Variants in PPIP5K2 observed in about 807,000 individuals in gnomAD.
The protein encoded by PPIP5K2 is inositol hexakisphosphate and diphosphoinositol-pentakisphosphate kinase 2.
In PPIP5K2, 105 loss-of-function variants were observed where a neutral mutation model predicts 154.6. That is an observed-to-expected ratio of 0.68 (90% CI 0.58 to 0.80). The LOEUF is 0.80. Among genes scored for constraint, PPIP5K2 ranks in the 30% least tolerant of loss-of-function variants. The pLI is 0.00. For synonymous variants in PPIP5K2, 480 were observed against 490.3 expected (o/e 0.98, Z 0.28); for missense variants, 992 against 1,504.6 (o/e 0.66, Z 5.64).
intron 4 of PPIP5K2, 117 bp from the exon 5 acceptor site, chr5:103,138,267 A>C (rs1202566246): frequency 2.2e-6 from 1 of 450,762 alleles, no homozygotes; most frequent in Non-Finnish European, 3.8e-6. Context: ...AAAAGTGTTG[A>C]GATATATACC....
chr5:103,183,573 A>C (rs527469468), intron 25 of PPIP5K2, among the ~76,000 whole-genome samples, 166 bp downstream of exon 25: 1 of 152,244 alleles, frequency 6.6e-6, no homozygotes, highest in East Asian at 1.9e-4. Flanking sequence ...CCAATATTCA[A>C]GGGAAAGAAA....
intron 4 of PPIP5K2, among the ~76,000 whole-genome samples, chr5:103,138,134 T>C (rs1186701954): frequency 6.6e-6 from 1 of 152,198 alleles, no homozygotes; most frequent in Non-Finnish European, 1.5e-5. Context: ...TTCTCAGTTT[T>C]AATAATTAGT....
chr5:103,126,186 T>C (rs115246607), intron 1 of PPIP5K2, among the ~76,000 whole-genome samples: 4,736 of 152,302 alleles, frequency 0.031, 111 homozygotes, highest in Non-Finnish European at 0.05. Context: ...AAGAGGTCTT[T>C]CTAACATGTA....
At chr5:103,184,351 G>T in intron 25 of PPIP5K2, 1 of 187,194 alleles carries the variant, frequency 5.3e-6, no homozygotes, top group Non-Finnish European at 1.1e-5. Context: ...TCAAATACAG[G>T]AGCTGTTTAA....
At chr5:103,188,919 A>C (rs782040174) in intron 28 of PPIP5K2, 6 of 363,840 alleles carry the variant, frequency 1.6e-5, no homozygotes, top group Non-Finnish European at 1.5e-5. Context: ...ATTCTTTTCT[A>C]TTCTACAAAT....
rs782156090 is a variant in PPIP5K2, at chr5:103,197,569, A to ATTTTTTTTTT, written c.3619+2559_3619+2568dup. On this transcript the variant is annotated intron_variant, in intron 30 of 30. Coordinates refer to ENST00000358359, the MANE Select transcript of PPIP5K2 (RefSeq NM_001276277.3). ...TGTTGGTTTTATGTTTAAAACACAA[A>ATTTTTTTTTT]TTTTTTTTTTTTTTTTTTTTTTTTG... 5.7e-5 allele frequency among the ~76,000 whole-genome samples: 5 copies of ATTTTTTTTTT among 86,974 alleles called. 1 individual carries two copies. Among genetic ancestry groups the ATTTTTTTTTT allele is most frequent in the African/African-American group, 5.1e-5 (1 of 19,604 alleles). 57.1% of individuals were successfully genotyped at this position (86,974 alleles called of 152,430 possible). A position where few individuals can be genotyped will look rare whatever the true frequency, so the allele number is the denominator to read the frequency against.
In PPIP5K2 at chr5:103,167,309, C is replaced by T; in HGVS notation, c.2051C>T (p.Pro684Leu). 6.4e-7 allele frequency: 1 copy of T among 1,572,624 alleles called. No homozygotes were observed. The highest frequency in any genetic ancestry group is 8.6e-7 in the Non-Finnish European group (1 of 1,162,236). Reference protein sequence around the residue: ...TSQIRHRMEDPKSSDIQLYHS... With the variant: ...TSQIRHRMEDLKSSDIQLYHS... ...CAAATCAGACATCGAATGGAAGATC[C>T]TAAATCATCAGGTAAATATGTTTTT... Residue 684 changes from proline (P) to leucine (L), a missense_variant, in exon 18 of 31, where the codon CCT (proline) becomes CTT (leucine). Coordinates refer to ENST00000358359, the MANE Select transcript of PPIP5K2 (RefSeq NM_001276277.3).
chr5:103,199,680 G>A lies in PPIP5K2; in HGVS notation c.3620-1842G>A, dbSNP rs190899096. 7.1e-4 allele frequency among the ~76,000 whole-genome samples: 107 copies of A among 151,334 alleles called. 2 individuals carry two copies. The East Asian group carries it at 9.9e-3, about 14-fold the overall frequency. On this transcript the variant is annotated intron_variant, in intron 30 of 30. Coordinates refer to ENST00000358359, the MANE Select transcript of PPIP5K2 (RefSeq NM_001276277.3). ...GATGTTCATTGGTTGATGTTGATTT[G>A]GTTGATTTGGTTGTTGTTTACTTTT...
At chr5:103,140,702 TG>T (rs1375705065) in intron 5 of PPIP5K2, among the ~76,000 whole-genome samples, 2 of 151,294 alleles carry the variant, frequency 1.3e-5, no homozygotes, top group Non-Finnish European at 3.0e-5. Flanking sequence ...CCGGGCGCAG[TG>T]GCGGGCGCCT....
chr5:103,159,902 A>C (rs909674938), intron 17 of PPIP5K2, among the ~76,000 whole-genome samples: 3 of 152,148 alleles, frequency 2.0e-5, no homozygotes, highest in Non-Finnish European at 4.4e-5. Flanking sequence ...GAAATTGTGT[A>C]TCCCTTGACC....
intron 29 of PPIP5K2, among the ~76,000 whole-genome samples, chr5:103,193,654 A>G (rs187033768): frequency 1.3e-5 from 2 of 152,174 alleles, no homozygotes; most frequent in East Asian, 3.9e-4. Flanking sequence ...CTCTTAGATT[A>G]TTTCCATTAG....
chr5:103,166,864 C>T (rs1379500421), intron 17 of PPIP5K2, among the ~76,000 whole-genome samples: 1 of 151,674 alleles, frequency 6.6e-6, no homozygotes, highest in East Asian at 1.9e-4. Flanking sequence ...TTTATTTTCA[C>T]ATTGAGTAGG....
intron 1 of PPIP5K2, among the ~76,000 whole-genome samples, chr5:103,125,627 TCTC>T (rs1487264551): frequency 6.6e-6 from 1 of 152,048 alleles, no homozygotes; most frequent in African/African-American, 2.4e-5. Flanking sequence ...CTGTATTTCA[TCTC>T]CTTCTATTTT....
intron 13 of PPIP5K2, among the ~76,000 whole-genome samples, chr5:103,155,447 GA>G (rs1795276764): frequency 1.9e-4 from 3 of 15,392 alleles, no homozygotes; most frequent in African/African-American, 4.8e-4. Context: ...TTTTTTTTGA[GA>G]CAGGGTCTTA....
At chr5:103,189,646 T>C (rs1800919695) in intron 28 of PPIP5K2, among the ~76,000 whole-genome samples, 1 of 152,122 alleles carries the variant, frequency 6.6e-6, no homozygotes, top group Non-Finnish European at 1.5e-5. Context: ...TCTGTCATGC[T>C]TTGGTTTGCA....
intron 29 of PPIP5K2, among the ~76,000 whole-genome samples, chr5:103,192,015 G>C (rs1285410972): frequency 1.3e-5 from 2 of 151,624 alleles, no homozygotes; most frequent in Non-Finnish European, 2.9e-5. Context: ...CTCTTTCCTG[G>C]GCCATCACAT....
At chr5:103,199,222 T>C (rs1372512214) in intron 30 of PPIP5K2, among the ~76,000 whole-genome samples, 1 of 152,190 alleles carries the variant, frequency 6.6e-6, no homozygotes, top group African/African-American at 2.4e-5. Flanking sequence ...TTTATCCATA[T>C]ATTTGCCATA....
intron 8 of PPIP5K2, among the ~76,000 whole-genome samples, chr5:103,151,009 C>T (rs1202204511): frequency 6.6e-6 from 1 of 151,668 alleles, no homozygotes; most frequent in Non-Finnish European, 1.5e-5. Context: ...GCCCCTTATG[C>T]GTTATTGTTG....
rs781837858 is a variant in PPIP5K2 at position 103,136,682 on chromosome 5, G to A, written c.311-50G>A. On this transcript the variant is annotated intron_variant, in intron 3 of 30. Coordinates refer to ENST00000358359, the MANE Select transcript of PPIP5K2 (RefSeq NM_001276277.3). ...CATCAATTCAAGTTAATAAAGTATA[G>A]ATGCTTATCTTGAGATAATACAGAA... 4.2e-6 allele frequency: 6 copies of A among 1,420,574 alleles called. No homozygotes were observed. In the South Asian group the frequency reaches 4.6e-5, roughly 11 times the overall value. The allele number at this position is 1,420,574 out of a possible 1,614,324, so 88.0% of individuals were successfully genotyped here.
Sources: allele counts gnomAD v4.1 joint callset (sites outside exome capture counted in the v4.1 genomes callset), GRCh38; gene constraint gnomAD v4.1.1; transcripts MANE v1.5; gene names NCBI Gene and HGNC (gene_info 2026-07-23, HGNC 2026-07-21).